XKR9: variants seen among roughly 807,000 people sequenced by gnomAD.
The protein encoded by XKR9 is XK related 9.
A neutral mutation model predicts 32.0 loss-of-function variants in XKR9; 32 were observed. That is an observed-to-expected ratio of 1.00 (90% CI 0.76 to 1.34). The LOEUF (loss-of-function observed/expected upper bound fraction) is 1.34, where lower values mean the gene tolerates loss of function less well. XKR9 is among the 40% of genes most tolerant of loss of function. The pLI, the probability that XKR9 is intolerant of heterozygous loss-of-function variation, is 0.00. For synonymous variants in XKR9, 168 were observed against 143.4 expected (o/e 1.17, Z -1.22); for missense variants, 546 against 429.7 (o/e 1.27, Z -2.39).
the XKR9 span, among the ~76,000 whole-genome samples, chr8:70,847,971 G>A: frequency 1.3e-5 from 2 of 151,924 alleles, no homozygotes; most frequent in Non-Finnish European, 2.9e-5. Flanking sequence ...ATTCTACAAG[G>A]CCAACACTAC....
intron 4 of XKR9, among the ~76,000 whole-genome samples, chr8:70,731,593 C>T (rs1441463189): frequency 6.6e-6 from 1 of 152,212 alleles, no homozygotes; most frequent in Non-Finnish European, 1.5e-5. Context: ...TCACCTCATT[C>T]AGCACCCAAT....
chr8:70,718,333 C>G (rs965718240), intron 4 of XKR9, among the ~76,000 whole-genome samples: 25 of 151,726 alleles, frequency 1.6e-4, no homozygotes, highest in Admixed American at 8.6e-4. Context: ...ACTTTAAGTT[C>G]TGGGGTACAT....
intron 3 of XKR9, among the ~76,000 whole-genome samples, chr8:70,689,707 T>C (rs555635126): frequency 2.0e-5 from 3 of 152,222 alleles, no homozygotes; most frequent in African/African-American, 7.2e-5. Context: ...AATGATAAAG[T>C]ACTTTCTATG....
intron 4 of XKR9, among the ~76,000 whole-genome samples, chr8:70,709,528 AAT>A (rs1220803840): frequency 6.6e-6 from 1 of 152,162 alleles, no homozygotes; most frequent in Non-Finnish European, 1.5e-5. Context: ...GTTTGCAAAC[AAT>A]ATGATTCTAT....
At chr8:70,894,720 G>C in the XKR9 span, among the ~76,000 whole-genome samples, 1 of 152,166 alleles carries the variant, frequency 6.6e-6, no homozygotes, top group African/African-American at 2.4e-5. Flanking sequence ...TACTGGAAAG[G>C]CTGCTCTGTG....
At chr8:71,021,190 G>A in the XKR9 span, among the ~76,000 whole-genome samples, 2 of 152,246 alleles carry the variant, frequency 1.3e-5, no homozygotes, top group African/African-American at 4.8e-5. Context: ...TTCCAGAGAG[G>A]GAATTAATCT....
intron 3 of XKR9, among the ~76,000 whole-genome samples, chr8:70,703,239 T>G (rs1322591165): frequency 1.3e-5 from 2 of 152,158 alleles, no homozygotes; most frequent in African/African-American, 2.4e-5. Context: ...TGTTCATTTT[T>G]TTTTCTCCTA....
At chr8:70,713,878 C>T (rs1006581489) in intron 4 of XKR9, among the ~76,000 whole-genome samples, 5 of 152,038 alleles carry the variant, frequency 3.3e-5, no homozygotes, top group African/African-American at 9.7e-5. Flanking sequence ...TTTGCTTGGG[C>T]GGCCATACAG....
At chr8:70,766,957 G>A (rs1229350216) in intron 2 of XKR9, among the ~76,000 whole-genome samples, 1 of 152,150 alleles carries the variant, frequency 6.6e-6, no homozygotes, top group African/African-American at 2.4e-5. Context: ...CAACTTGATT[G>A]TGGTGGATAA....
chr8:70,795,327 G>C (rs1205935890), downstream of XKR9, among the ~76,000 whole-genome samples: 1 of 152,052 alleles, frequency 6.6e-6, no homozygotes, highest in African/African-American at 2.4e-5. Context: ...TAGCTGCATA[G>C]TACTCCGTGG....
the XKR9 span, among the ~76,000 whole-genome samples, chr8:70,848,181 G>A: frequency 6.6e-6 from 1 of 152,090 alleles, no homozygotes; most frequent in Non-Finnish European, 1.5e-5. Context: ...ATCAATAGAT[G>A]TGATACATCA....
At chr8:70,815,507 T>A in the XKR9 span, among the ~76,000 whole-genome samples, 2 of 140,614 alleles carry the variant, frequency 1.4e-5, no homozygotes, top group African/African-American at 2.7e-5. Context: ...CTCATTCCTT[T>A]ATTTTATTTA....
At chr8:70,712,701 A>G (rs1185824446) in intron 4 of XKR9, among the ~76,000 whole-genome samples, 2 of 152,144 alleles carry the variant, frequency 1.3e-5, no homozygotes, top group South Asian at 2.1e-4. Flanking sequence ...GGCTAGTCCA[A>G]AAAACAAACA....
chr8:70,967,785 G>A, the XKR9 span, among the ~76,000 whole-genome samples: 2 of 151,996 alleles, frequency 1.3e-5, no homozygotes, highest in Admixed American at 6.6e-5. Flanking sequence ...TGGCTTGTAG[G>A]GTTTCTGCTT....
the XKR9 span, among the ~76,000 whole-genome samples, chr8:70,922,293 T>C: frequency 2.0e-5 from 3 of 152,202 alleles, no homozygotes. Flanking sequence ...GGTAAACATT[T>C]AGAAGCGCCA....
At chr8:70,987,318 G>C in the XKR9 span, among the ~76,000 whole-genome samples, 3 of 152,150 alleles carry the variant, frequency 2.0e-5, no homozygotes, top group African/African-American at 7.2e-5. Context: ...AATCCCTTCT[G>C]CCTATGAGCC....
At chr8:70,985,006 T>C in the XKR9 span, among the ~76,000 whole-genome samples, 4 of 152,182 alleles carry the variant, frequency 2.6e-5, no homozygotes, top group African/African-American at 9.6e-5. Context: ...TAATGATTGC[T>C]AAGAAGGTAT....
intron 2 of XKR9, among the ~76,000 whole-genome samples, chr8:70,748,304 C>G (rs1228909282): frequency 6.6e-6 from 1 of 152,220 alleles, no homozygotes; most frequent in Non-Finnish European, 1.5e-5. Flanking sequence ...AGCTCTAGAC[C>G]TGGGCATCCC....
At chr8:70,686,539 G>A (rs1819286289) in intron 3 of XKR9, among the ~76,000 whole-genome samples, 1 of 151,920 alleles carries the variant, frequency 6.6e-6, no homozygotes. Context: ...CGCCTCCCAG[G>A]TTCAAGCAAT....
Sources: gnomAD v4.1 joint callset for allele counts (sites outside exome capture counted in the v4.1 genomes callset) on GRCh38, gnomAD v4.1.1 for gene constraint, MANE v1.5 for transcripts, NCBI Gene and HGNC (gene_info 2026-07-23, HGNC 2026-07-21) for gene names.